Variants in MACF1 observed in about 807,000 individuals in gnomAD.
MACF1 encodes the protein microtubule-actin cross-linking factor 1.
Under a neutral mutation model 854.8 loss-of-function variants are expected in MACF1, and 193 were observed. The ratio of observed to expected loss-of-function variants is 0.23; its 90% CI spans 0.20 to 0.25. The LOEUF (loss-of-function observed/expected upper bound fraction) is 0.25, where lower values mean the gene tolerates loss of function less well. Ranked by LOEUF, MACF1 falls within the 10% of genes least tolerant of loss-of-function variation. The probability of loss-of-function intolerance (pLI) is 1.00; values close to 1 mark genes in which losing one functional copy is unlikely to be tolerated. For synonymous variants in MACF1, 3,185 were observed against 3,226.7 expected (o/e 0.99, Z 0.44); for missense variants, 7,722 against 8,929.1 (o/e 0.86, Z 5.45).
chr1:39,480,919 GACTTC>G lies in MACF1; in HGVS notation c.22177_22181del (p.Leu7393ValfsTer6), dbSNP rs1470161234. 5.3e-6 allele frequency: 8 copies of G among 1,523,652 alleles called. No individual in the cohort carries two copies. Among genetic ancestry groups the G allele is most frequent in the East Asian group, 2.5e-5 (1 of 40,688 alleles). 94.4% of individuals were successfully genotyped at this position (1,523,652 alleles called of 1,614,324 possible). ...CTTCCCTTTGGATTTCCGTTTCACAGACTTCACTTCAGTTCTCTCGCTGTTATGAC... is the reference window on the plus strand; with the variant it reads ...CTTCCCTTTGGATTTCCGTTTCACAGACTTCAGTTCTCTCGCTGTTATGAC... On this transcript the variant is annotated frameshift_variant and splice_region_variant, in exon 99 of 101. Transcript: ENST00000564288. LOFTEE classifies it high-confidence loss of function.
intron 2 of MACF1, among the ~76,000 whole-genome samples, chr1:39,095,110 A>G (rs1050695038): frequency 6.6e-6 from 1 of 152,114 alleles, no homozygotes; most frequent in African/African-American, 2.4e-5. Flanking sequence ...CCATGCAGAA[A>G]TGTGATTGGG....
intron 96 of MACF1, 61 bp from the exon 97 acceptor site, chr1:39,469,486 G>T: frequency 7.8e-7 from 1 of 1,280,382 alleles, no homozygotes; most frequent in South Asian, 1.3e-5. Flanking sequence ...TGTCTTTCTT[G>T]ACTAGTTTCT....
intron 2 of MACF1, among the ~76,000 whole-genome samples, chr1:39,163,057 A>T (rs889637327): frequency 6.6e-6 from 1 of 152,202 alleles, no homozygotes; most frequent in East Asian, 1.9e-4. Context: ...GACCCTCATA[A>T]GAAACTCCAT....
intron 36 of MACF1, chr1:39,328,307 G>C (rs907847111): frequency 3.9e-5 from 6 of 152,128 alleles, no homozygotes; most frequent in Non-Finnish European, 7.4e-5. Flanking sequence ...CCATATAAGG[G>C]AGTATGTGAA....
At chr1:39,310,466 T>G (rs1646277555) in intron 25 of MACF1, 38 bp downstream of exon 25, 2 of 1,582,058 alleles carry the variant, frequency 1.3e-6, no homozygotes. Context: ...AATAGTAGAA[T>G]GAGAGCCTTT....
At chr1:39,162,368 T>G (rs1334626944) in intron 2 of MACF1, among the ~76,000 whole-genome samples, 1 of 152,206 alleles carries the variant, frequency 6.6e-6, no homozygotes, top group Non-Finnish European at 1.5e-5. Flanking sequence ...ACCTATGTAA[T>G]TTTACCCTTC....
rs1488493465 is a variant in MACF1, at chr1:39,357,902, G to C, written c.11943+9G>C. The C allele has an allele frequency of 6.3e-7, 1 of 1,593,236 alleles. No homozygotes were observed. Among genetic ancestry groups the C allele is most frequent in the Admixed American group, 1.8e-5 (1 of 57,122 alleles). ...CTGCTCTCCACTCAAAGGTAAGGGGGCAGTTCCTGGCATCCTTGGTGAAAC... is the reference window on the plus strand; with the variant it reads ...CTGCTCTCCACTCAAAGGTAAGGGGCCAGTTCCTGGCATCCTTGGTGAAAC... On this transcript the variant is annotated intron_variant, in intron 45 of 100. Coordinates refer to ENST00000564288, the MANE Select transcript of MACF1 (RefSeq NM_001394062.1).
chr1:39,178,295 A>G (rs1330376759), intron 2 of MACF1, among the ~76,000 whole-genome samples: 2 of 148,550 alleles, frequency 1.3e-5, no homozygotes, highest in Non-Finnish European at 3.0e-5. Context: ...TCGTTTATGT[A>G]CTGAACATAA....
intron 6 of MACF1, among the ~76,000 whole-genome samples, chr1:39,266,075 A>G (rs1288802533): frequency 1.3e-5 from 2 of 152,208 alleles, no homozygotes; most frequent in Non-Finnish European, 2.9e-5. Context: ...AGCAGAAGGA[A>G]ATGAAGGTCT....
At chr1:39,128,601 A>G (rs984149919) in intron 2 of MACF1, among the ~76,000 whole-genome samples, 8 of 152,132 alleles carry the variant, frequency 5.3e-5, no homozygotes, top group Admixed American at 3.3e-4. Flanking sequence ...CGGGAGGCTA[A>G]GGCAGGAGAA....
chr1:39,386,055 A>G lies in MACF1; in HGVS notation c.14344+126A>G, dbSNP rs576994233. On this transcript the variant is annotated intron_variant, in intron 57 of 100. Transcript: ENST00000564288. The stretch of plus-strand genomic sequence containing the variant: ...ATTTGTAGACTCAGAATGGTGTTAA[A>G]CCAATTCCTTCTCCTAGTTGCAGTG... 2.3e-5 allele frequency: 25 copies of G among 1,065,772 alleles called. No homozygotes were observed. In the African/African-American group the frequency reaches 3.7e-4, roughly 16 times the overall value. The allele number at this position is 1,065,772 out of a possible 1,614,324, so 66.0% of individuals were successfully genotyped here.
chr1:39,142,491 A>G (rs1643365688), intron 2 of MACF1, among the ~76,000 whole-genome samples: 1 of 152,166 alleles, frequency 6.6e-6, no homozygotes, highest in Admixed American at 6.5e-5. Flanking sequence ...CCTCTAGCTC[A>G]TGGGTAAGGA....
rs1451558541 is a variant in MACF1 at position 39,105,444 on chromosome 1, C to G, written c.220+21006C>G. 4 of 994,196 alleles carry G rather than the reference C, an allele frequency of 4.0e-6. No homozygotes were observed. The African/African-American group carries it at 5.3e-5, about 13-fold the overall frequency. 61.6% of individuals were successfully genotyped at this position (994,196 alleles called of 1,614,324 possible). On this transcript the variant is annotated intron_variant, in intron 2 of 93. Coordinates refer to the MACF1 transcript ENST00000361689. This position sits in a 1 kb window ranked among gnomAD's most constrained non-coding sequence, Gnocchi z 5.9. The stretch of plus-strand genomic sequence containing the variant: ...GGAGCGCGAGCGGGCCGGGTGCGAG[C>G]GGACTGAGGAGCGGAGCGCGACTGC...
Position 39,254,345 on chromosome 1 carries a change from G to C in MACF1, c.405G>C (p.Gln135His). 1.2e-6 allele frequency: 2 copies of C among 1,614,194 alleles called. No homozygotes were observed. The highest frequency in any genetic ancestry group is 1.7e-6 in the Non-Finnish European group (2 of 1,180,024). The change falls in exon 5 of 101, where the codon CAG becomes CAC. Residue 135 changes from glutamine to histidine, a missense_variant. Around this residue, in one of 15 missense-constraint regions of MACF1, gnomAD observed 108 missense variants for 196.4 expected, o/e 0.55. Transcript: ENST00000564288. The part of the protein sequence containing the change: ...RMRFHRLQNV[Q>H]IALDFLKQRQ... Reference sequence around the variant, plus strand: ...GTTTTCATAGGCTGCAGAATGTGCAGATTGCCCTGGACTTCCTAAAGCAGC... The same window carrying C: ...GTTTTCATAGGCTGCAGAATGTGCACATTGCCCTGGACTTCCTAAAGCAGC...
Position 39,205,127 on chromosome 1 carries a change from A to G in MACF1, c.105A>G (p.Arg35=). Reference sequence around the variant, plus strand: ...ACTGGAAGAGGCATGCCAGAGGTAGAGCAGGTAACTAACTGGTACCCAGTT... The same window carrying G: ...ACTGGAAGAGGCATGCCAGAGGTAGGGCAGGTAACTAACTGGTACCCAGTT... The part of the protein sequence containing the change: ...VLYWKRHARG[R]ADERDRVQKK... Residue 35 remains arginine, a synonymous_variant, in exon 1 of 101, where the codon AGA becomes AGG. Coordinates refer to ENST00000564288, the MANE Select transcript of MACF1 (RefSeq NM_001394062.1). 1.4e-6 allele frequency: 1 copy of G among 702,980 alleles called. No homozygotes were observed. Among genetic ancestry groups the G allele is most frequent in the Non-Finnish European group, 2.6e-6 (1 of 385,004 alleles). The allele number at this position is 702,980 out of a possible 1,614,324, so 43.5% of individuals were successfully genotyped here.
At chr1:39,393,411 C>G (rs1642132541) in intron 58 of MACF1, among the ~76,000 whole-genome samples, 1 of 151,718 alleles carries the variant, frequency 6.6e-6, no homozygotes. Flanking sequence ...TGAGCATTAT[C>G]AAGAAACCTG....
At chr1:39,135,468 C>T (rs1197434632) in intron 2 of MACF1, among the ~76,000 whole-genome samples, 2 of 152,002 alleles carry the variant, frequency 1.3e-5, no homozygotes, top group Admixed American at 6.6e-5. Context: ...AGGCTGATCT[C>T]GAACTCTTGA....
At chr1:39,461,060 G>C (rs1644541808) in intron 92 of MACF1, among the ~76,000 whole-genome samples, 1 of 150,512 alleles carries the variant, frequency 6.6e-6, no homozygotes, top group Non-Finnish European at 1.5e-5. Flanking sequence ...CTCTAGCCTG[G>C]GCAACAGAGT....
intron 1 of MACF1, among the ~76,000 whole-genome samples, chr1:39,211,092 G>C (rs979103421): frequency 6.6e-6 from 1 of 151,858 alleles, no homozygotes; most frequent in African/African-American, 2.4e-5. Context: ...TCAGCCTCCC[G>C]AGTAGCTGGG....
Sources: allele counts gnomAD v4.1 joint callset (sites outside exome capture counted in the v4.1 genomes callset), GRCh38; gene constraint gnomAD v4.1.1; regional missense constraint gnomAD v4.1.1; non-coding constraint Gnocchi (gnomAD v3.1); transcripts MANE v1.5; gene names NCBI Gene and HGNC (gene_info 2026-07-23, HGNC 2026-07-21).